The following TTC34 variants were observed in gnomAD, a reference collection of about 807,000 sequenced individuals.
The protein encoded by TTC34 is tetratricopeptide repeat protein 34.
In TTC34, 44 loss-of-function variants were observed where a neutral mutation model predicts 40.7. The observed-to-expected ratio is 1.08, with a 90% CI of 0.85 to 1.39. TTC34 has a LOEUF of 1.39. Among genes scored for constraint, TTC34 ranks in the 40% most tolerant of loss-of-function variants. The pLI, the probability that TTC34 is intolerant of heterozygous loss-of-function variation, is 0.00. For missense variants in TTC34, 884 were observed against 838.0 expected, an observed-to-expected ratio of 1.05 and a Z score of -0.68; for synonymous variants, 422 against 398.6, an observed-to-expected ratio of 1.06 and a Z score of -0.70.
chr1:2,700,331 T>A (rs1323489275), intron 6 of TTC34, among the ~76,000 whole-genome samples: 14 of 59,034 alleles, frequency 2.4e-4, no homozygotes, highest in Admixed American at 6.2e-4. Context: ...CAGCACCCAC[T>A]CCCGCAGGTG....
chr1:2,641,270 T>G lies in TTC34; in HGVS notation c.*98A>C. On this transcript the variant is annotated 3_prime_UTR_variant, in exon 9 of 9. Coordinates refer to ENST00000401095, the Ensembl canonical transcript of TTC34. ...GTGTGGAGAGGGCAGGGCAGGTACCTCCCCGATTTAGGGAGCTGGGTACAC... is the reference window on the plus strand; with the variant it reads ...GTGTGGAGAGGGCAGGGCAGGTACCGCCCCGATTTAGGGAGCTGGGTACAC... 3 of 1,360,208 alleles carry G rather than the reference T, an allele frequency of 2.2e-6. No individual in the cohort carries two copies. In the East Asian group the frequency reaches 7.8e-5, roughly 35 times the overall value. The allele number at this position is 1,360,208 out of a possible 1,614,324, so 84.3% of individuals were successfully genotyped here.
At chr1:2,691,267 G>T (rs914425856) in intron 6 of TTC34, among the ~76,000 whole-genome samples, 1 of 90,204 alleles carries the variant, frequency 1.1e-5, no homozygotes, top group Non-Finnish European at 2.7e-5. Flanking sequence ...CACACCCCCA[G>T]GTGAGAATCC....
At chr1:2,752,604 GACAAA>G in intron 6 of TTC34, among the ~76,000 whole-genome samples, 1 of 99,686 alleles carries the variant, frequency 1.0e-5, no homozygotes, top group Non-Finnish European at 1.9e-5. Flanking sequence ...CCTGGAACAG[GACAAA>G]CACCCCCAGG....
chr1:2,638,050 T>C (rs143479656), exon 9 of TTC34: 1 of 152,230 alleles, frequency 6.6e-6, no homozygotes, highest in East Asian at 1.9e-4. Context: ...GTAGCCTTTA[T>C]TTATTTTTTT....
In TTC34 at chr1:2,645,201, TTC is replaced by T; in HGVS notation, c.2497+90_2497+91del. 1 of 1,342,224 alleles carries T rather than the reference TTC, an allele frequency of 7.5e-7. No individual in the cohort carries two copies. Among genetic ancestry groups the T allele is most frequent in the South Asian group, 1.9e-5 (1 of 53,438 alleles). 83.1% of individuals were successfully genotyped at this position (1,342,224 alleles called of 1,614,324 possible). A position where few individuals can be genotyped will look rare whatever the true frequency, so the allele number is the denominator to read the frequency against. ...GGAAGCTGTTGTGGTCCGGGTCTCT[TTC>T]TTCCATTTTTACAGAACAGGATACA... On this transcript the variant is annotated intron_variant, in intron 7 of 8. Transcript: ENST00000401095. The surrounding 1 kb of genome is among the most constrained non-coding windows in gnomAD (Gnocchi z 4.7).
At chr1:2,761,326 C>A (rs1450297503) in intron 6 of TTC34, among the ~76,000 whole-genome samples, 2 of 78,766 alleles carry the variant, frequency 2.5e-5, no homozygotes, top group Middle Eastern at 5.3e-3. Context: ...ACCCACAACC[C>A]CAGGTGAGTA....
At chr1:2,698,428 C>T (rs1182227809) in intron 6 of TTC34, among the ~76,000 whole-genome samples, 2 of 85,960 alleles carry the variant, frequency 2.3e-5, no homozygotes, top group African/African-American at 8.5e-5. Context: ...TATCCGACAG[C>T]CTGGAGCAGC....
At chr1:2,685,181 C>G (rs577487416) in intron 6 of TTC34, among the ~76,000 whole-genome samples, 513 of 76,844 alleles carry the variant, frequency 6.7e-3, no homozygotes, top group East Asian at 0.015. Flanking sequence ...ATCTGACTGC[C>G]TGGAACAGCA....
At chr1:2,691,939 G>A (rs774778389) in intron 6 of TTC34, among the ~76,000 whole-genome samples, 1 of 53,162 alleles carries the variant, frequency 1.9e-5, no homozygotes, top group Non-Finnish European at 4.0e-5. Context: ...GGAACACCAC[G>A]CACAACCCCA....
chr1:2,754,896 GCACCCC>G (rs1641455298), intron 6 of TTC34, among the ~76,000 whole-genome samples: 2 of 57,452 alleles, frequency 3.5e-5, no homozygotes, highest in Non-Finnish European at 5.7e-5. Flanking sequence ...ACAGCACCCT[GCACCCC>G]CAGGGGAGCA....
At chr1:2,773,132 A>G (rs372040934) in intron 6 of TTC34, among the ~76,000 whole-genome samples, 1 of 18,836 alleles carries the variant, frequency 5.3e-5, no homozygotes, top group Non-Finnish European at 1.2e-4. Context: ...GGAGCAGCAC[A>G]CACAACCCCA....
At chr1:2,785,074 C>T (rs992575119) in intron 5 of TTC34, among the ~76,000 whole-genome samples, 2 of 152,214 alleles carry the variant, frequency 1.3e-5, no homozygotes, top group Non-Finnish European at 2.9e-5. Context: ...AGGTACTGTC[C>T]CAAAATGAGC....
intron 6 of TTC34, among the ~76,000 whole-genome samples, chr1:2,780,544 T>C (rs1643465991): frequency 6.6e-6 from 1 of 152,222 alleles, no homozygotes; most frequent in South Asian, 2.1e-4. Context: ...CATTGAATGG[T>C]CTTGGTCAAA....
intron 6 of TTC34, among the ~76,000 whole-genome samples, chr1:2,653,881 CA>C (rs1465019662): frequency 1.8e-4 from 26 of 145,512 alleles, no homozygotes; most frequent in South Asian, 4.3e-4. Context: ...TCTGGAGCAG[CA>C]CCCACACCCA....
chr1:2,643,538 C>T (rs559531115), intron 8 of TTC34, among the ~76,000 whole-genome samples: 4 of 152,176 alleles, frequency 2.6e-5, no homozygotes, highest in Admixed American at 1.3e-4. Flanking sequence ...GCACAGACCC[C>T]TCCTCCTGGC....
chr1:2,800,285 C>G, exon 2 of TTC34: 1 of 398,642 alleles, frequency 2.5e-6, no homozygotes, highest in Non-Finnish European at 4.4e-6. Context: ...GGAGGTGGGG[C>G]CGCTGGTGGG....
At chr1:2,676,916 C>A (rs1180077933) in intron 6 of TTC34, among the ~76,000 whole-genome samples, 4 of 138,090 alleles carry the variant, frequency 2.9e-5, no homozygotes, top group East Asian at 2.1e-4. Flanking sequence ...CAGCCTGGAG[C>A]AGCACCCACA....
intron 6 of TTC34, among the ~76,000 whole-genome samples, chr1:2,756,932 GA>G (rs1641526081): frequency 1.5e-5 from 2 of 132,064 alleles, no homozygotes; most frequent in African/African-American, 6.1e-5. Flanking sequence ...TGACAGCCTG[GA>G]ACAGAACCCA....
intron 6 of TTC34, among the ~76,000 whole-genome samples, chr1:2,779,161 C>T (rs954219009): frequency 5.3e-5 from 8 of 152,162 alleles, no homozygotes; most frequent in African/African-American, 1.9e-4. Flanking sequence ...GGCTTATCCA[C>T]CCATCCATCG....
Sources: allele counts gnomAD v4.1 joint callset (sites outside exome capture counted in the v4.1 genomes callset), GRCh38; gene constraint gnomAD v4.1.1; non-coding constraint Gnocchi (gnomAD v3.1); transcripts MANE v1.5; gene names NCBI Gene and HGNC (gene_info 2026-07-23, HGNC 2026-07-21).